The following MVB12B variants were observed in gnomAD, a reference collection of about 807,000 sequenced individuals.
The protein encoded by MVB12B is multivesicular body subunit 12B.
Under a neutral mutation model 41.6 loss-of-function variants are expected in MVB12B, and 16 were observed. That is an observed-to-expected ratio of 0.38 (90% confidence interval 0.26 to 0.58). The LOEUF is 0.58. Ranked by LOEUF, MVB12B falls within the 20% of genes least tolerant of loss-of-function variation. MVB12B has a pLI of 0.62. For missense variants in MVB12B, 274 were observed against 380.2 expected, an observed-to-expected ratio of 0.72 and a Z score of 2.32; for synonymous variants, 133 against 139.7, an observed-to-expected ratio of 0.95 and a Z score of 0.34.
At chr9:126,446,400 T>G (rs1240501859) in intron 7 of MVB12B, among the ~76,000 whole-genome samples, 2 of 151,888 alleles carry the variant, frequency 1.3e-5, no homozygotes, top group Non-Finnish European at 2.9e-5. Flanking sequence ...TAAGTAAGAT[T>G]AGGCTTTTTG....
At chr9:126,335,283 C>T (rs772521568) in intron 1 of MVB12B, 381 of 1,288,508 alleles carry the variant, frequency 3.0e-4, no homozygotes, top group Non-Finnish European at 3.6e-4. Context: ...AGGATGCTAT[C>T]CTGAGGCTCC....
intron 7 of MVB12B, among the ~76,000 whole-genome samples, chr9:126,432,779 G>A (rs1006764134): frequency 3.9e-5 from 6 of 152,138 alleles, no homozygotes; most frequent in East Asian, 1.9e-4. Context: ...TCGAAACCAC[G>A]GTACTGAGGA....
At chr9:126,339,739 C>G (rs10491514) in intron 1 of MVB12B, among the ~76,000 whole-genome samples, 45,015 of 152,090 alleles carry the variant, frequency 0.3, 6,776 homozygotes, top group Non-Finnish European at 0.32. Flanking sequence ...GACCAGTTAC[C>G]TGGACTTGTG....
intron 7 of MVB12B, among the ~76,000 whole-genome samples, chr9:126,440,034 C>G (rs1256609296): frequency 1.3e-5 from 2 of 152,182 alleles, no homozygotes; most frequent in African/African-American, 2.4e-5. Context: ...GCTTCTAAAA[C>G]TAGTGGTAAA....
At chr9:126,379,576 C>T (rs1244112714) in intron 2 of MVB12B, among the ~76,000 whole-genome samples, 1 of 152,230 alleles carries the variant, frequency 6.6e-6, no homozygotes, top group South Asian at 2.1e-4. Flanking sequence ...CCATACCATT[C>T]CTCCTTCAGC....
chr9:126,355,455 A>C (rs1467903763), intron 2 of MVB12B, among the ~76,000 whole-genome samples: 1 of 152,232 alleles, frequency 6.6e-6, no homozygotes, highest in South Asian at 2.1e-4. Context: ...AAGTCATACC[A>C]CTAACAGCAA....
At chr9:126,492,142 A>T (rs1833745457) in intron 9 of MVB12B, among the ~76,000 whole-genome samples, 1 of 147,450 alleles carries the variant, frequency 6.8e-6, no homozygotes, top group South Asian at 2.3e-4. Context: ...ACACACGCTC[A>T]GCAGGCTCAT....
At chr9:126,441,431 A>G (rs1832637724) in intron 7 of MVB12B, among the ~76,000 whole-genome samples, 1 of 152,226 alleles carries the variant, frequency 6.6e-6, no homozygotes, top group Non-Finnish European at 1.5e-5. Context: ...CTAAAATAAG[A>G]CTAGCATATT....
In MVB12B at chr9:126,376,580, G is replaced by A. The variant is rs1588120670; in HGVS notation, c.205-4484G>A. On this transcript the variant is annotated intron_variant, in intron 2 of 9. Transcript: ENST00000361171. The surrounding 1 kb of genome is among the most constrained non-coding windows in gnomAD (Gnocchi z 4.1). ...CACCCTGGCGCTTTCCAGAGACAAA[G>A]CCCTCAGTGTCCAGTGTTCAGGGGA... 7.8e-7 allele frequency: 1 copy of A among 1,289,402 alleles called. No homozygotes were observed. The highest frequency in any genetic ancestry group is 1.2e-5 in the South Asian group (1 of 81,024). The allele number at this position is 1,289,402 out of a possible 1,614,324, so 79.9% of individuals were successfully genotyped here.
At chr9:126,352,904 T>C (rs1188731404) in intron 2 of MVB12B, among the ~76,000 whole-genome samples, 1 of 152,262 alleles carries the variant, frequency 6.6e-6, no homozygotes, top group Non-Finnish European at 1.5e-5. Flanking sequence ...TATGCTATTG[T>C]GTGCTTGTAA....
Position 126,373,479 on chromosome 9 carries a change from G to A in MVB12B, c.205-7585G>A, listed in dbSNP as rs559037132. ...TCATTCTTGTTCATCGTGTCAGCCA[G>A]ATATTTCCTTTGGAATGTCTGCAGG... is the stretch of plus-strand genomic sequence containing the variant. On this transcript the variant is annotated intron_variant, in intron 2 of 9. Coordinates refer to ENST00000361171, the MANE Select transcript of MVB12B (RefSeq NM_033446.3). 4.6e-5 allele frequency among the ~76,000 whole-genome samples: 7 copies of A among 152,364 alleles called. 1 individual carries two copies. In the South Asian group the frequency reaches 8.3e-4, roughly 18 times the overall value.
chr9:126,453,176 T>C (rs1832915176), intron 7 of MVB12B, among the ~76,000 whole-genome samples: 3 of 152,342 alleles, frequency 2.0e-5, no homozygotes, highest in African/African-American at 7.2e-5. Context: ...TCCCTATTTC[T>C]TCAAGTTCAG....
intron 6 of MVB12B, among the ~76,000 whole-genome samples, chr9:126,411,889 G>A (rs1831662036): frequency 6.6e-6 from 1 of 152,194 alleles, no homozygotes; most frequent in Non-Finnish European, 1.5e-5. Context: ...AGCCTCACTT[G>A]GGAAACACAG....
intron 1 of MVB12B, among the ~76,000 whole-genome samples, chr9:126,334,674 G>A (rs1239434331): frequency 6.6e-6 from 1 of 152,138 alleles, no homozygotes; most frequent in Non-Finnish European, 1.5e-5. Context: ...CTCTACAGGG[G>A]ACAATATGGC....
intron 7 of MVB12B, among the ~76,000 whole-genome samples, chr9:126,425,429 T>C (rs1832148145): frequency 6.6e-6 from 1 of 152,220 alleles, no homozygotes; most frequent in African/African-American, 2.4e-5. Context: ...TAGCACGTGT[T>C]GCTTTTGTAG....
intron 7 of MVB12B, among the ~76,000 whole-genome samples, chr9:126,451,595 G>A (rs1310180918): frequency 6.6e-6 from 1 of 151,686 alleles, no homozygotes; most frequent in African/African-American, 2.4e-5. Context: ...AAAGCAGTAG[G>A]AGTTCAAACC....
At chr9:126,446,147 AT>A (rs888507264) in intron 7 of MVB12B, among the ~76,000 whole-genome samples, 241 of 150,226 alleles carry the variant, frequency 1.6e-3, no homozygotes, top group African/African-American at 5.3e-3. Context: ...TTTTCCAAAG[AT>A]TTTTTTTTTA....
chr9:126,414,260 TC>T (rs2119067662), intron 6 of MVB12B, among the ~76,000 whole-genome samples: 1 of 152,182 alleles, frequency 6.6e-6, no homozygotes, highest in East Asian at 1.9e-4. Context: ...AAAATGAAAT[TC>T]CCCTCAGCAT....
intron 7 of MVB12B, among the ~76,000 whole-genome samples, chr9:126,464,890 G>C (rs1440914744): frequency 6.6e-6 from 1 of 152,210 alleles, no homozygotes; most frequent in Non-Finnish European, 1.5e-5. Context: ...GCCAGTGCCA[G>C]GGCCATTGTG....
Sources: gnomAD v4.1 joint callset for allele counts (sites outside exome capture counted in the v4.1 genomes callset) on GRCh38, gnomAD v4.1.1 for gene constraint, Gnocchi (gnomAD v3.1) non-coding constraint, MANE v1.5 for transcripts, NCBI Gene and HGNC (gene_info 2026-07-23, HGNC 2026-07-21) for gene names.